The following CADM1 variants were observed in gnomAD, a reference collection of about 807,000 sequenced individuals.
CADM1 encodes TSLC-1.
CADM1 carries 15 observed loss-of-function variants against 53.1 expected under a neutral mutation model. That is an observed-to-expected ratio of 0.28 (90% CI 0.19 to 0.44). CADM1 has a LOEUF of 0.44. Ranked by LOEUF, CADM1 falls within the 20% of genes least tolerant of loss-of-function variation. The pLI is 1.00. For missense variants in CADM1, 434 were observed against 611.3 expected (o/e 0.71, Z 3.06); for synonymous variants, 281 against 243.0 (o/e 1.16, Z -1.45).
chr11:115,328,689 T>TGTATATACATATATATAC (rs1945031968), intron 1 of CADM1, among the ~76,000 whole-genome samples: 1 of 23,958 alleles, frequency 4.2e-5, no homozygotes, highest in African/African-American at 2.8e-4. Context: ...TGTATATATA[T>TGTATATACATATATATAC]GTGTATATAT....
chr11:115,490,586 G>A (rs1949473208), intron 1 of CADM1, among the ~76,000 whole-genome samples: 1 of 152,046 alleles, frequency 6.6e-6, no homozygotes, highest in South Asian at 2.1e-4. Flanking sequence ...TTTCAGTAGA[G>A]ACAGGGTTTC....
intron 6 of CADM1, among the ~76,000 whole-genome samples, chr11:115,217,231 A>C (rs979659840): frequency 1.3e-5 from 2 of 152,204 alleles, no homozygotes; most frequent in Non-Finnish European, 1.5e-5. Context: ...TGATATATGT[A>C]GTTCCTCAAA....
intron 1 of CADM1, among the ~76,000 whole-genome samples, chr11:115,312,888 A>G (rs1944567150): frequency 6.6e-6 from 1 of 152,198 alleles, no homozygotes; most frequent in African/African-American, 2.4e-5. Context: ...TTCACCCTAA[A>G]GCAGCCAAGA....
At chr11:115,198,275 T>G in intron 9 of CADM1, 131 bp downstream of exon 9, 1 of 664,260 alleles carries the variant, frequency 1.5e-6, no homozygotes, top group Non-Finnish European at 2.6e-6. Context: ...CCTTAAAAAA[T>G]TATAGTATAT....
rs189937765 is a variant in CADM1, at chr11:115,426,019, G to A, written c.124+78252C>T. ...CTGCTGGAGGAAGGGAACGCTCTGC[G>A]GGAACAGATGCAGCCCGACCTAAGA... On this transcript the variant is annotated intron_variant, in intron 1 of 11. Coordinates refer to ENST00000331581, the MANE Select transcript of CADM1 (RefSeq NM_001301043.2). 7.0e-4 allele frequency among the ~76,000 whole-genome samples: 106 copies of A among 152,246 alleles called. 1 individual carries two copies. Among genetic ancestry groups the A allele is most frequent in the African/African-American group, 2.5e-3 (102 of 41,548 alleles).
chr11:115,308,194 G>GTGTATATATATATATATATATATATA (rs1944434433), intron 1 of CADM1, among the ~76,000 whole-genome samples: 2 of 123,978 alleles, frequency 1.6e-5, no homozygotes, highest in African/African-American at 6.0e-5. Context: ...TCATAGGTGT[G>GTGTATATATATATATATATATATATA]TATATATATA....
intron 1 of CADM1, among the ~76,000 whole-genome samples, chr11:115,342,937 A>G (rs1230693858): frequency 1.3e-5 from 2 of 152,198 alleles, no homozygotes; most frequent in Non-Finnish European, 2.9e-5. Flanking sequence ...GAAAGTCAAG[A>G]GGAAGATAGC....
chr11:115,476,573 G>A (rs896880925), intron 1 of CADM1, among the ~76,000 whole-genome samples: 1 of 152,162 alleles, frequency 6.6e-6, no homozygotes, highest in African/African-American at 2.4e-5. Context: ...TGCGTGGTAG[G>A]AGAACATGAT....
In CADM1 at chr11:115,387,509, T is replaced by G. The variant is rs12271575; in HGVS notation, c.124+116762A>C. Among the ~76,000 whole-genome samples the G allele has an allele frequency of 5.1e-3, 782 of 152,280 alleles. 7 individuals are homozygous for G. The highest frequency in any genetic ancestry group is 0.018 in the African/African-American group (752 of 41,560). ...AAGTTACGAACTCAAAATTTTACTA[T>G]CTACCCTATTCTAAGAAAGTGTGGA... On this transcript the variant is annotated intron_variant, in intron 1 of 11. Coordinates refer to ENST00000331581, the MANE Select transcript of CADM1 (RefSeq NM_001301043.2).
intron 1 of CADM1, among the ~76,000 whole-genome samples, chr11:115,241,213 C>T (rs868130626): frequency 3.9e-5 from 6 of 152,286 alleles, no homozygotes; most frequent in African/African-American, 9.6e-5. Context: ...AGATTAGTGA[C>T]GGCAGCCTGG....
chr11:115,462,033 A>C (rs1565439735), intron 1 of CADM1, among the ~76,000 whole-genome samples: 1 of 152,188 alleles, frequency 6.6e-6, no homozygotes, highest in African/African-American at 2.4e-5. Flanking sequence ...CGGTAGAGGG[A>C]GAAAAAAGAG....
At chr11:115,488,708 C>G (rs888810345) in intron 1 of CADM1, among the ~76,000 whole-genome samples, 1 of 152,212 alleles carries the variant, frequency 6.6e-6, no homozygotes, top group Non-Finnish European at 1.5e-5. Flanking sequence ...AAAGCTAGAT[C>G]AGTTGTAGGC....
chr11:115,182,501 C>T (rs1939357828), intron 10 of CADM1, among the ~76,000 whole-genome samples: 2 of 152,336 alleles, frequency 1.3e-5, no homozygotes, highest in African/African-American at 2.4e-5. Context: ...GATTGCATAA[C>T]ACAGTTCAAC....
chr11:115,421,523 G>A (rs771465009), intron 1 of CADM1, among the ~76,000 whole-genome samples: 15 of 152,174 alleles, frequency 9.9e-5, no homozygotes, highest in Non-Finnish European at 1.6e-4. Context: ...AAGCAGACGC[G>A]CTCACCAGCG....
intron 1 of CADM1, among the ~76,000 whole-genome samples, chr11:115,345,553 C>T (rs566873749): frequency 2.0e-5 from 3 of 152,272 alleles, no homozygotes; most frequent in Admixed American, 1.3e-4. Flanking sequence ...TTTAAACACC[C>T]TCATTCTGTC....
Position 115,171,104 on chromosome 11 carries a change from C to T in CADM1, c.*5370G>A, listed in dbSNP as rs548019204. 1.3e-5 allele frequency: 2 copies of T among 152,306 alleles called. No homozygotes were observed. The highest frequency in any genetic ancestry group is 2.4e-5 in the African/African-American group (1 of 41,558). 9.4% of individuals were successfully genotyped at this position (152,306 alleles called of 1,614,324 possible). The stretch of plus-strand genomic sequence containing the variant: ...ATGAGCCAAGAGTCCCTTCTTTCTT[C>T]TCCTGTACGGGGGGCCAGCGCTTCA... On this transcript the variant is annotated 3_prime_UTR_variant, in exon 12 of 12. Coordinates refer to ENST00000331581, the MANE Select transcript of CADM1 (RefSeq NM_001301043.2).
intron 1 of CADM1, among the ~76,000 whole-genome samples, chr11:115,329,676 C>T (rs1945080959): frequency 6.6e-6 from 1 of 152,096 alleles, no homozygotes. Context: ...TAAGTGTTAA[C>T]CAGCTCAGTG....
At chr11:115,252,418 A>T (rs1266050776) in intron 1 of CADM1, among the ~76,000 whole-genome samples, 1 of 151,894 alleles carries the variant, frequency 6.6e-6, no homozygotes, top group Non-Finnish European at 1.5e-5. Flanking sequence ...ATTTTTTTTT[A>T]TTTCAGAGGT....
chr11:115,349,837 G>A (rs1472366554), intron 1 of CADM1, among the ~76,000 whole-genome samples: 4 of 152,120 alleles, frequency 2.6e-5, no homozygotes, highest in Non-Finnish European at 4.4e-5. Flanking sequence ...CTCATATTTT[G>A]TTCAGAGTAT....
Sources: gnomAD v4.1 joint callset for allele counts (sites outside exome capture counted in the v4.1 genomes callset) on GRCh38, gnomAD v4.1.1 for gene constraint, MANE v1.5 for transcripts, NCBI Gene and HGNC (gene_info 2026-07-23, HGNC 2026-07-21) for gene names.